Variants in TRPC7 observed in about 807,000 individuals in gnomAD.
The protein encoded by TRPC7 is short transient receptor potential channel 7.
In TRPC7, 42 loss-of-function variants were observed where a neutral mutation model predicts 90.1. The observed-to-expected ratio is 0.47, with a 90% CI of 0.36 to 0.60. The LOEUF (loss-of-function observed/expected upper bound fraction) is 0.60, where lower values mean the gene tolerates loss of function less well. Ranked by LOEUF, TRPC7 falls within the 20% of genes least tolerant of loss-of-function variation. TRPC7 has a pLI of 0.00. For synonymous variants in TRPC7, 451 were observed against 436.3 expected, an observed-to-expected ratio of 1.03 and a Z score of -0.42; for missense variants, 955 against 1,112.3, an observed-to-expected ratio of 0.86 and a Z score of 2.01.
chr5:136,248,636 G>C (rs1312182287), intron 6 of TRPC7, among the ~76,000 whole-genome samples: 1 of 152,200 alleles, frequency 6.6e-6, no homozygotes, highest in Non-Finnish European at 1.5e-5. Context: ...TGCCACGACA[G>C]CCCTGTTCCA....
chr5:136,288,551 T>A (rs181040165), intron 3 of TRPC7, among the ~76,000 whole-genome samples: 1 of 152,050 alleles, frequency 6.6e-6, no homozygotes, highest in East Asian at 1.9e-4. Flanking sequence ...CAGTACTTAC[T>A]ATGTACTGGA....
chr5:136,231,533 TA>T lies in TRPC7; in HGVS notation c.1860del (p.Phe620LeufsTer14). On this transcript the variant is annotated frameshift_variant, in exon 8 of 12. Coordinates refer to ENST00000513104, the MANE Select transcript of TRPC7 (RefSeq NM_020389.3). LOFTEE classifies it high-confidence loss of function. Reference protein sequence around the residue: ...NPAFTTVEESFKTLFWSIFGL... With the variant: ...NPAFTTVEESXKTLFWSIFGL... ...CCGAATATGGACCAAAACAAAGTTT[TA>T]AAACTTTCTTCAACCCTGCAAAGAA... 6.3e-7 allele frequency: 1 copy of T among 1,597,956 alleles called. No individual in the cohort carries two copies. The highest frequency in any genetic ancestry group is 8.6e-7 in the Non-Finnish European group (1 of 1,168,536).
At chr5:136,315,911 A>T in intron 2 of TRPC7, 132 bp from the exon 3 acceptor site, 1 of 872,608 alleles carries the variant, frequency 1.1e-6, no homozygotes, top group Non-Finnish European at 1.8e-6. Context: ...CACTTATGGA[A>T]CGCAGCAGGA....
At chr5:136,327,599 G>A (rs1759380330) in intron 2 of TRPC7, among the ~76,000 whole-genome samples, 2 of 152,206 alleles carry the variant, frequency 1.3e-5, no homozygotes, top group African/African-American at 4.8e-5. Flanking sequence ...ATGGAGGAAG[G>A]GATCTGACAG....
At chr5:136,309,504 A>G (rs990322204) in intron 3 of TRPC7, among the ~76,000 whole-genome samples, 1 of 152,116 alleles carries the variant, frequency 6.6e-6, no homozygotes, top group African/African-American at 2.4e-5. Flanking sequence ...TCCTGTGGTA[A>G]TCATTAGTGC....
chr5:136,291,352 G>C (rs1317034856), intron 3 of TRPC7, among the ~76,000 whole-genome samples: 1 of 152,162 alleles, frequency 6.6e-6, no homozygotes, highest in Non-Finnish European at 1.5e-5. Flanking sequence ...CTGGCAAATT[G>C]GATAAAAAGT....
intron 5 of TRPC7, among the ~76,000 whole-genome samples, chr5:136,263,105 G>C (rs530492480): frequency 6.6e-6 from 1 of 152,294 alleles, no homozygotes; most frequent in African/African-American, 2.4e-5. Flanking sequence ...ACAAACAACT[G>C]CCAAGGAGCT....
chr5:136,232,080 T>C (rs928100646), intron 7 of TRPC7, among the ~76,000 whole-genome samples: 2 of 152,242 alleles, frequency 1.3e-5, no homozygotes, highest in Non-Finnish European at 2.9e-5. Flanking sequence ...TCTTTATTTT[T>C]TATTCAATCC....
intron 2 of TRPC7, among the ~76,000 whole-genome samples, chr5:136,354,076 AT>A (rs1390556716): frequency 7.2e-5 from 11 of 152,218 alleles, no homozygotes; most frequent in Non-Finnish European, 1.5e-5. Context: ...ATCCAAAAAA[AT>A]ATTTTTTTGC....
chr5:136,270,226 C>T (rs988347975), intron 4 of TRPC7, among the ~76,000 whole-genome samples: 4 of 152,182 alleles, frequency 2.6e-5, no homozygotes, highest in Non-Finnish European at 5.9e-5. Context: ...GTGCAGATCT[C>T]TGGAGCCAGA....
chr5:136,279,235 G>T (rs969972424), intron 3 of TRPC7, among the ~76,000 whole-genome samples: 7 of 152,134 alleles, frequency 4.6e-5, no homozygotes, highest in African/African-American at 1.7e-4. Context: ...TTACACAAAT[G>T]ACCTTAATTG....
At chr5:136,328,788 C>T (rs1037324461) in intron 2 of TRPC7, among the ~76,000 whole-genome samples, 16 of 152,318 alleles carry the variant, frequency 1.1e-4, no homozygotes, top group African/African-American at 3.4e-4. Flanking sequence ...GATAACTTGT[C>T]TATTTGGGGG....
At chr5:136,288,458 C>T (rs1193371367) in intron 3 of TRPC7, among the ~76,000 whole-genome samples, 1 of 136,110 alleles carries the variant, frequency 7.3e-6, no homozygotes, top group African/African-American at 2.8e-5. Flanking sequence ...TGGGCTGTGC[C>T]TTGTCTGCCA....
chr5:136,292,289 G>T (rs1176531659), intron 3 of TRPC7, among the ~76,000 whole-genome samples: 1 of 150,424 alleles, frequency 6.6e-6, no homozygotes, highest in African/African-American at 2.4e-5. Flanking sequence ...AAATAACTAA[G>T]ATCAGAGCAG....
chr5:136,313,364 T>A (rs966341936), intron 3 of TRPC7, among the ~76,000 whole-genome samples: 3 of 147,588 alleles, frequency 2.0e-5, no homozygotes, highest in African/African-American at 7.5e-5. Flanking sequence ...GCCTGAAGCC[T>A]CAGGAGATGT....
intron 2 of TRPC7, among the ~76,000 whole-genome samples, chr5:136,334,500 T>C (rs1759591053): frequency 6.6e-6 from 1 of 152,230 alleles, no homozygotes; most frequent in South Asian, 2.1e-4. Context: ...TTCCCAAGTC[T>C]GGGCTGACAC....
intron 7 of TRPC7, among the ~76,000 whole-genome samples, chr5:136,235,997 T>C (rs1220520653): frequency 6.6e-6 from 1 of 152,242 alleles, no homozygotes; most frequent in Non-Finnish European, 1.5e-5. Context: ...TACCCAACTA[T>C]GAAATTGGCA....
chr5:136,216,380 A>C, intron 10 of TRPC7, 105 bp from the exon 11 acceptor site: 2 of 858,824 alleles, frequency 2.3e-6, no homozygotes, highest in Middle Eastern at 2.4e-4. Context: ...CTCAGCAACC[A>C]TGGCGACCCT....
chr5:136,236,143 TGAG>T (rs1755971166), intron 7 of TRPC7, among the ~76,000 whole-genome samples: 1 of 152,222 alleles, frequency 6.6e-6, no homozygotes, highest in South Asian at 2.1e-4. Flanking sequence ...TACCAGGCGA[TGAG>T]GATACACAGG....
Sources: gnomAD v4.1 joint callset for allele counts (sites outside exome capture counted in the v4.1 genomes callset) on GRCh38, gnomAD v4.1.1 for gene constraint, MANE v1.5 for transcripts, NCBI Gene and HGNC (gene_info 2026-07-23, HGNC 2026-07-21) for gene names.